CHP1: variants seen among roughly 807,000 people sequenced by gnomAD.
CHP1 encodes calcineurin like EF-hand protein 1, also known as calcineurin B homologous protein 1.
CHP1 carries 11 observed loss-of-function variants against 27.4 expected under a neutral mutation model. The observed-to-expected ratio is 0.40, with a 90% confidence interval of 0.25 to 0.67. The LOEUF is 0.67. CHP1 is among the 30% of genes least tolerant of loss of function. The pLI is 0.38. For synonymous variants in CHP1, 89 were observed against 87.4 expected, an observed-to-expected ratio of 1.02 and a Z score of -0.10; for missense variants, 169 against 251.3, an observed-to-expected ratio of 0.67 and a Z score of 2.22.
At position 41,231,300 on chromosome 15, in the gene CHP1, C is replaced by G. The variant is rs959037227; in HGVS notation, c.-83C>G. The G allele has an allele frequency of 4.6e-5, 62 of 1,351,480 alleles. No individual in the cohort carries two copies. Among genetic ancestry groups the G allele is most frequent in the Non-Finnish European group, 5.8e-5 (56 of 965,544 alleles). 83.7% of individuals were successfully genotyped at this position (1,351,480 alleles called of 1,614,324 possible). A position where few individuals can be genotyped will look rare whatever the true frequency, so the allele number is the denominator to read the frequency against. ...ACACTGCCCTCTCCCTTCTTGACCC[C>G]TAGCCCTTCCTTCCCTCCCTCCTTC... On this transcript the variant is annotated 5_prime_UTR_variant, in exon 1 of 7. Transcript: ENST00000334660.
chr15:41,248,505 G>T (rs1395527173), intron 2 of CHP1, among the ~76,000 whole-genome samples: 2 of 152,040 alleles, frequency 1.3e-5, no homozygotes, highest in African/African-American at 2.4e-5. Flanking sequence ...GGCTCCATCA[G>T]TCCTCCCGCC....
At chr15:41,253,212 C>T (rs1171045640) in intron 2 of CHP1, among the ~76,000 whole-genome samples, 1 of 151,838 alleles carries the variant, frequency 6.6e-6, no homozygotes, top group Non-Finnish European at 1.5e-5. Context: ...GCTGGGATTA[C>T]AGGCGTGAGC....
In CHP1 at chr15:41,273,698, AAAAG is replaced by A. The variant is rs200446082; in HGVS notation, c.411+3083_411+3086del. ...ATCCATTCATGATTTAAAAAAAAAA[AAAAG>A]AAGTCTTAGAAAATCAGAAGTAGAG... On this transcript the variant is annotated intron_variant, in intron 5 of 6. Coordinates refer to ENST00000334660, the MANE Select transcript of CHP1 (RefSeq NM_007236.5). Among the ~76,000 whole-genome samples, 214 of 151,916 alleles carry A rather than the reference AAAAG, an allele frequency of 1.4e-3. 1 individual carries two copies. Among genetic ancestry groups the A allele is most frequent in the African/African-American group, 5.0e-3 (207 of 41,320 alleles).
intron 5 of CHP1, among the ~76,000 whole-genome samples, chr15:41,275,782 T>A (rs1208670448): frequency 1.3e-5 from 2 of 151,906 alleles, no homozygotes; most frequent in African/African-American, 2.4e-5. Flanking sequence ...ATGGTGCAAT[T>A]TTGGCTCACC....
intron 5 of CHP1, among the ~76,000 whole-genome samples, chr15:41,276,922 A>G (rs957993881): frequency 6.6e-6 from 1 of 152,230 alleles, no homozygotes; most frequent in Non-Finnish European, 1.5e-5. Flanking sequence ...CCTGGCATCC[A>G]TAGCTCATAT....
At chr15:41,267,124 G>C (rs896984405) in intron 4 of CHP1, among the ~76,000 whole-genome samples, 1 of 152,136 alleles carries the variant, frequency 6.6e-6, no homozygotes, top group African/African-American at 2.4e-5. Context: ...GAGGTTTCCA[G>C]AGTGGTCAAA....
chr15:41,265,538 T>C (rs1431003741), intron 4 of CHP1, among the ~76,000 whole-genome samples: 1 of 146,416 alleles, frequency 6.8e-6, no homozygotes, highest in African/African-American at 2.4e-5. Context: ...GGTGAAACCC[T>C]GTCTGTACTA....
Position 41,280,677 on chromosome 15 carries a change from A to G in CHP1, c.*1288A>G, listed in dbSNP as rs2047541053. The G allele has an allele frequency of 6.7e-6, 1 of 149,294 alleles. No homozygotes were observed. Among genetic ancestry groups the G allele is most frequent in the South Asian group, 2.1e-4 (1 of 4,696 alleles). The allele number at this position is 149,294 out of a possible 1,614,324, so 9.2% of individuals were successfully genotyped here. A position where few individuals can be genotyped will look rare whatever the true frequency, so the allele number is the denominator to read the frequency against. ...CAGGTGTGCACCACCATGCCCGGCT[A>G]ATTTTTTGTATTTTTAGTGGAGACA... On this transcript the variant is annotated 3_prime_UTR_variant, in exon 7 of 7. Transcript: ENST00000334660.
intron 2 of CHP1, among the ~76,000 whole-genome samples, chr15:41,252,241 C>A (rs1293057693): frequency 6.6e-6 from 1 of 151,514 alleles, no homozygotes; most frequent in Non-Finnish European, 1.5e-5. Context: ...ACAATCTTGG[C>A]TGACTGCAAC....
In CHP1 at chr15:41,256,907, C is replaced by A; in HGVS notation, c.141-3C>A. ...ATCTAACTCAAGGTGATTCTCTTGG[C>A]AGCCGGGAAGATTTCCAGAGGATTC... On this transcript the variant is annotated splice_region_variant and splice_polypyrimidine_tract_variant and intron_variant, in intron 2 of 6. Transcript: ENST00000334660. 1 of 1,613,848 alleles carries A rather than the reference C, an allele frequency of 6.2e-7. No homozygotes were observed.
chr15:41,256,873 A>G (rs753341167), intron 2 of CHP1, 37 bp from the exon 3 acceptor site: 7 of 1,572,386 alleles, frequency 4.5e-6, no homozygotes, highest in East Asian at 2.2e-5. Flanking sequence ...GCTAAGGGCA[A>G]TGATCTCTAT....
intron 2 of CHP1, among the ~76,000 whole-genome samples, chr15:41,255,832 A>G (rs1281446856): frequency 5.3e-5 from 8 of 152,096 alleles, no homozygotes; most frequent in South Asian, 2.1e-4. Flanking sequence ...CCTGGCCAAC[A>G]TGGTGAAACT....
At chr15:41,249,334 G>A (rs2047352111) in intron 2 of CHP1, among the ~76,000 whole-genome samples, 1 of 151,672 alleles carries the variant, frequency 6.6e-6, no homozygotes, top group African/African-American at 2.4e-5. Flanking sequence ...TGTATTTTTT[G>A]TAGAGAGGAG....
intron 4 of CHP1, among the ~76,000 whole-genome samples, chr15:41,266,817 T>C (rs1158552867): frequency 6.6e-6 from 1 of 152,052 alleles, no homozygotes; most frequent in Non-Finnish European, 1.5e-5. Context: ...CTGGCCAATG[T>C]GGTGAAATCC....
At chr15:41,274,842 G>A (rs1296105205) in intron 5 of CHP1, among the ~76,000 whole-genome samples, 1 of 145,310 alleles carries the variant, frequency 6.9e-6, no homozygotes, top group African/African-American at 2.5e-5. Context: ...CCAGGCTAGA[G>A]TGCAGTGGCA....
In CHP1 at chr15:41,281,830, T is replaced by C. The variant is rs982559208; in HGVS notation, c.*2441T>C. ...TGTTTTAATCCACGGTTGTGCCTTA[T>C]TGTTCCATTAAAATTGTATCTTCGA... On this transcript the variant is annotated 3_prime_UTR_variant, in exon 7 of 7. Transcript: ENST00000334660. 5.9e-5 allele frequency: 9 copies of C among 152,658 alleles called. No homozygotes were observed. The highest frequency in any genetic ancestry group is 2.2e-4 in the African/African-American group (9 of 41,454). 9.5% of individuals were successfully genotyped at this position (152,658 alleles called of 1,614,324 possible). A position where few individuals can be genotyped will look rare whatever the true frequency, so the allele number is the denominator to read the frequency against.
chr15:41,252,927 G>GTTTTTT (rs144891496), intron 2 of CHP1, among the ~76,000 whole-genome samples: 2 of 65,794 alleles, frequency 3.0e-5, no homozygotes, highest in Admixed American at 2.8e-4. Context: ...ATTTCACATG[G>GTTTTTT]TTTTTTTTTT....
intron 3 of CHP1, 132 bp from the exon 4 acceptor site, chr15:41,262,624 T>C (rs1369007198): frequency 1.1e-5 from 13 of 1,152,212 alleles, no homozygotes; most frequent in African/African-American, 3.1e-5. Flanking sequence ...CAAAGTACCA[T>C]GCGTATGGAA....
intron 5 of CHP1, among the ~76,000 whole-genome samples, chr15:41,273,422 C>T (rs1317959469): frequency 6.6e-6 from 1 of 151,974 alleles, no homozygotes; most frequent in East Asian, 1.9e-4. Flanking sequence ...CACTCTGTCG[C>T]CCAGGCTGGA....
Sources: allele counts gnomAD v4.1 joint callset (sites outside exome capture counted in the v4.1 genomes callset), GRCh38; gene constraint gnomAD v4.1.1; transcripts MANE v1.5; gene names NCBI Gene and HGNC (gene_info 2026-07-23, HGNC 2026-07-21).